PCSK5: variants seen among roughly 807,000 people sequenced by gnomAD.
PCSK5 encodes the protein proprotein convertase subtilisin/kexin type 5.
A neutral mutation model predicts 233.2 loss-of-function variants in PCSK5; 129 were observed. The ratio of observed to expected loss-of-function variants is 0.55; its 90% CI spans 0.48 to 0.64. The LOEUF (loss-of-function observed/expected upper bound fraction) is 0.64, where lower values mean the gene tolerates loss of function less well. PCSK5 is among the 30% of genes least tolerant of loss of function. The probability of loss-of-function intolerance (pLI) is 0.00; values close to 1 mark genes in which losing one functional copy is unlikely to be tolerated. For synonymous variants in PCSK5, 825 were observed against 879.2 expected (o/e 0.94, Z 1.09); for missense variants, 2,076 against 2,430.1 (o/e 0.85, Z 3.06).
intron 20 of PCSK5, chr9:76,193,558 A>G: frequency 2.0e-6 from 1 of 491,590 alleles, no homozygotes; most frequent in Non-Finnish European, 3.5e-6. Flanking sequence ...AAATAAAACT[A>G]CAACAAGCCT....
intron 33 of PCSK5, among the ~76,000 whole-genome samples, chr9:76,331,843 T>C (rs1829545779): frequency 6.6e-6 from 1 of 152,086 alleles, no homozygotes; most frequent in African/African-American, 2.4e-5. Flanking sequence ...AGGAAACAGA[T>C]TCCCTCCTAG....
intron 5 of PCSK5, among the ~76,000 whole-genome samples, chr9:76,044,306 C>A (rs1829284198): frequency 6.6e-6 from 1 of 152,136 alleles, no homozygotes; most frequent in African/African-American, 2.4e-5. Flanking sequence ...CATTTCCATA[C>A]TGATTTATGT....
intron 7 of PCSK5, among the ~76,000 whole-genome samples, chr9:76,087,631 G>T (rs1366418237): frequency 6.6e-6 from 1 of 152,198 alleles, no homozygotes; most frequent in African/African-American, 2.4e-5. Context: ...GAGGTCGGCT[G>T]CATTTGATAT....
intron 2 of PCSK5, among the ~76,000 whole-genome samples, chr9:75,962,387 G>T (rs117285544): frequency 0.023 from 3,554 of 152,302 alleles, 67 homozygotes; most frequent in Admixed American, 0.045. Context: ...ATCCAGCTGG[G>T]CCAGGGGCCA....
intron 24 of PCSK5, among the ~76,000 whole-genome samples, chr9:76,241,943 G>C (rs944743018): frequency 6.6e-6 from 1 of 152,124 alleles, no homozygotes; most frequent in Non-Finnish European, 1.5e-5. Flanking sequence ...ACTGATCTAA[G>C]GTGGGCCTGA....
chr9:76,289,231 G>A (rs188392631), intron 24 of PCSK5, among the ~76,000 whole-genome samples: 312 of 152,162 alleles, frequency 2.1e-3, no homozygotes, highest in Non-Finnish European at 3.6e-3. Flanking sequence ...GTTCTCCTTA[G>A]GAAAGATATG....
At chr9:76,126,697 T>C (rs12237480) in intron 9 of PCSK5, among the ~76,000 whole-genome samples, 23,068 of 151,946 alleles carry the variant, frequency 0.15, 2,323 homozygotes, top group East Asian at 0.35. Flanking sequence ...GGAGACAAAA[T>C]ACTGCATGTT....
intron 7 of PCSK5, among the ~76,000 whole-genome samples, chr9:76,085,701 T>TA (rs755722726): frequency 8.5e-4 from 130 of 152,354 alleles, no homozygotes; most frequent in Non-Finnish European, 1.4e-3. Flanking sequence ...TGTTAGGAGT[T>TA]ACTCCGTGTA....
At chr9:75,891,537 AC>A (rs1825600490) in intron 1 of PCSK5, among the ~76,000 whole-genome samples, 164 bp downstream of exon 1, 1 of 21,180 alleles carries the variant, frequency 4.7e-5, no homozygotes, top group African/African-American at 1.3e-4. Flanking sequence ...GTACGCACAC[AC>A]ACACACACAC....
intron 1 of PCSK5, among the ~76,000 whole-genome samples, chr9:75,900,678 CAA>C (rs34003117): frequency 0.2 from 20,607 of 104,802 alleles, 1,838 homozygotes; most frequent in African/African-American, 0.32. Flanking sequence ...GACTCTGTCT[CAA>C]AAAAAAAAAA....
chr9:76,203,680 A>T (rs1384308406), intron 20 of PCSK5, among the ~76,000 whole-genome samples: 2 of 152,176 alleles, frequency 1.3e-5, no homozygotes, highest in African/African-American at 4.8e-5. Context: ...TGTCTTACCT[A>T]CAGAACTGTG....
chr9:76,330,386 A>G (rs983971661), intron 33 of PCSK5, among the ~76,000 whole-genome samples: 1 of 152,196 alleles, frequency 6.6e-6, no homozygotes, highest in Admixed American at 6.5e-5. Context: ...TATGGTGAAG[A>G]CCAGGAAGTA....
At chr9:75,946,664 C>A (rs1824584269) in intron 2 of PCSK5, among the ~76,000 whole-genome samples, 1 of 152,238 alleles carries the variant, frequency 6.6e-6, no homozygotes, top group Non-Finnish European at 1.5e-5. Flanking sequence ...TCTCCGCTCA[C>A]TTCAACCTCT....
rs753364303 is a variant in PCSK5 at position 76,360,556 on chromosome 9, A to G, written c.*1634A>G. The stretch of plus-strand genomic sequence containing the variant: ...CTAAATTCATGGATTTTCTTTTTTT[A>G]ACATAATGTATCACTGACACAGAAA... On this transcript the variant is annotated 3_prime_UTR_variant, in exon 38 of 38. Coordinates refer to ENST00000674117, the MANE Select transcript of PCSK5 (RefSeq NM_001372043.1). 6.6e-6 allele frequency: 1 copy of G among 152,124 alleles called. No individual in the cohort carries two copies. The highest frequency in any genetic ancestry group is 1.5e-5 in the Non-Finnish European group (1 of 68,014). The allele number at this position is 152,124 out of a possible 1,614,324, so 9.4% of individuals were successfully genotyped here. A position where few individuals can be genotyped will look rare whatever the true frequency, so the allele number is the denominator to read the frequency against.
In PCSK5 at chr9:76,232,981, G is replaced by A. The variant is rs73460385; in HGVS notation, c.2730-479G>A. Among the ~76,000 whole-genome samples the A allele has an allele frequency of 7.9e-3, 1,205 of 152,270 alleles. 15 individuals carry two copies. The highest frequency in any genetic ancestry group is 0.028 in the African/African-American group (1,171 of 41,552). ...CAGGCCAGGCTTCTAAGTAGCATCC[G>A]AGCTACAAAGCAGTGTTTTGTTTCA... On this transcript the variant is annotated intron_variant, in intron 21 of 37. Coordinates refer to ENST00000674117, the MANE Select transcript of PCSK5 (RefSeq NM_001372043.1).
intron 14 of PCSK5, among the ~76,000 whole-genome samples, chr9:76,178,912 CA>C (rs796992744): frequency 1.3e-5 from 2 of 152,068 alleles, no homozygotes; most frequent in South Asian, 2.1e-4. Flanking sequence ...AGTTCTATAC[CA>C]AAGAATATGT....
rs576967844 is a variant in PCSK5, at chr9:75,913,900, G to A, written c.193-18479G>A. Among the ~76,000 whole-genome samples, 5 of 152,000 alleles carry A rather than the reference G, an allele frequency of 3.3e-5. No individual in the cohort carries two copies. In the East Asian group the frequency reaches 9.7e-4, roughly 29 times the overall value. On this transcript the variant is annotated intron_variant, in intron 1 of 37. Transcript: ENST00000674117. ...AAATTATGTATATAGAAGTAGCCTG[G>A]GATCTATCTCAAACTTTGCAAGGCC... is the stretch of plus-strand genomic sequence containing the variant.
At chr9:76,064,059 T>A (rs1830148472) in intron 5 of PCSK5, among the ~76,000 whole-genome samples, 1 of 99,158 alleles carries the variant, frequency 1.0e-5, no homozygotes, top group Non-Finnish European at 1.9e-5. Flanking sequence ...GCAGAGGGGC[T>A]CCTCACTTCC....
In PCSK5 at chr9:76,233,757, G is replaced by C. The variant is rs183927449; in HGVS notation, c.2866+161G>C. Among the ~76,000 whole-genome samples the C allele has an allele frequency of 6.2e-4, 95 of 152,242 alleles. 1 individual carries two copies. The East Asian group carries it at 0.016, about 25-fold the overall frequency. On this transcript the variant is annotated intron_variant, in intron 22 of 37. Transcript: ENST00000674117. The stretch of plus-strand genomic sequence containing the variant: ...TACAACCTTGAACTTTCTGCTTGCT[G>C]TCAGTACACAAAAAGCTTGTTCACC...
Sources: gnomAD v4.1 joint callset for allele counts (sites outside exome capture counted in the v4.1 genomes callset) on GRCh38, gnomAD v4.1.1 for gene constraint, MANE v1.5 for transcripts, NCBI Gene and HGNC (gene_info 2026-07-23, HGNC 2026-07-21) for gene names.